The following ADTRP variants were observed in gnomAD, a reference collection of about 807,000 sequenced individuals.
The protein encoded by ADTRP is androgen-dependent TFPI-regulating protein.
In ADTRP, 20 loss-of-function variants were observed where a neutral mutation model predicts 27.0. The observed-to-expected ratio is 0.74, with a 90% CI of 0.52 to 1.08. The LOEUF is 1.08. ADTRP is among the 50% of genes least tolerant of loss of function. The pLI is 0.00. For missense variants in ADTRP, 251 were observed against 275.0 expected, an observed-to-expected ratio of 0.91 and a Z score of 0.62; for synonymous variants, 101 against 105.2, an observed-to-expected ratio of 0.96 and a Z score of 0.25.
At chr6:11,772,132 A>G (rs1763804116) in intron 1 of ADTRP, among the ~76,000 whole-genome samples, 1 of 152,212 alleles carries the variant, frequency 6.6e-6, no homozygotes, top group Admixed American at 6.5e-5. Context: ...AACGGCATCT[A>G]CTTATTCTAA....
chr6:11,739,205 C>T (rs1189514804), intron 3 of ADTRP, among the ~76,000 whole-genome samples: 1 of 152,190 alleles, frequency 6.6e-6, no homozygotes, highest in East Asian at 1.9e-4. Context: ...TCTCAGTTTC[C>T]CTTACAAACA....
intron 4 of ADTRP, among the ~76,000 whole-genome samples, chr6:11,724,392 T>C (rs2235421): frequency 0.08 from 12,111 of 151,952 alleles, 854 homozygotes; most frequent in South Asian, 0.2. Flanking sequence ...ATAAATAGAG[T>C]GTTAGGCAGT....
intron 4 of ADTRP, among the ~76,000 whole-genome samples, chr6:11,726,298 T>C (rs1440133418): frequency 3.9e-5 from 6 of 152,204 alleles, no homozygotes; most frequent in African/African-American, 1.4e-4. Flanking sequence ...CCAAAACTCA[T>C]GTTGAAATTT....
chr6:11,724,908 A>C (rs1179742678), intron 4 of ADTRP, among the ~76,000 whole-genome samples: 1 of 152,250 alleles, frequency 6.6e-6, no homozygotes, highest in African/African-American at 2.4e-5. Flanking sequence ...GCACAATGGG[A>C]GTGCTCTCAG....
intron 4 of ADTRP, among the ~76,000 whole-genome samples, chr6:11,733,619 T>A (rs879565633): frequency 1.3e-5 from 2 of 152,252 alleles, no homozygotes; most frequent in Non-Finnish European, 2.9e-5. Context: ...TCCCACTGTC[T>A]GTTATGCTCC....
At chr6:11,732,187 T>A (rs1367098681) in intron 4 of ADTRP, among the ~76,000 whole-genome samples, 1 of 152,188 alleles carries the variant, frequency 6.6e-6, no homozygotes, top group South Asian at 2.1e-4. Context: ...AACCACCACA[T>A]GTAAGGCGGT....
At chr6:11,756,846 C>T (rs1763228301) in intron 3 of ADTRP, among the ~76,000 whole-genome samples, 1 of 152,176 alleles carries the variant, frequency 6.6e-6, no homozygotes, top group African/African-American at 2.4e-5. Flanking sequence ...ACTCAAACCT[C>T]AGTTTCCTCT....
At chr6:11,747,315 C>A (rs776579597) in intron 3 of ADTRP, among the ~76,000 whole-genome samples, 28 of 152,168 alleles carry the variant, frequency 1.8e-4, no homozygotes, top group Non-Finnish European at 3.8e-4. Flanking sequence ...TTGTACCAGG[C>A]GAGCTCTCCA....
rs1166384194 is a variant in ADTRP, at chr6:11,758,582, G to GGA, written c.390+7691_390+7692insTC. On this transcript the variant is annotated intron_variant, in intron 3 of 5. Transcript: ENST00000414691. ...CCGGGGACTGTTGTGGGGTGGGGGG[G>GGA]GGGGACGGATAGCATTAGGAGGTAT... 5.4e-4 allele frequency among the ~76,000 whole-genome samples: 63 copies of GGA among 117,516 alleles called. 4 individuals carry two copies. The highest frequency in any genetic ancestry group is 9.2e-4 in the Non-Finnish European group (51 of 55,160). The allele number at this position is 117,516 out of a possible 152,430, so 77.1% of individuals were successfully genotyped here.
intron 5 of ADTRP, among the ~76,000 whole-genome samples, chr6:11,716,011 T>C (rs1761813201): frequency 6.6e-6 from 1 of 151,894 alleles, no homozygotes; most frequent in Non-Finnish European, 1.5e-5. Context: ...TCCTCCCTAG[T>C]TAGGGCTTCT....
intron 5 of ADTRP, among the ~76,000 whole-genome samples, chr6:11,717,659 T>C (rs1338479361): frequency 2.0e-5 from 3 of 152,208 alleles, no homozygotes; most frequent in Non-Finnish European, 4.4e-5. Flanking sequence ...GTTGGGGGGA[T>C]AGCAGGTGTT....
intron 5 of ADTRP, among the ~76,000 whole-genome samples, chr6:11,722,324 G>A (rs1762045734): frequency 6.6e-6 from 1 of 152,164 alleles, no homozygotes. Flanking sequence ...CAGGGTCTCA[G>A]CTTCCTCTCA....
At chr6:11,723,241 A>T in intron 5 of ADTRP, 108 bp downstream of exon 5, 2 of 1,420,840 alleles carry the variant, frequency 1.4e-6, no homozygotes, top group Non-Finnish European at 1.9e-6. Flanking sequence ...CAAAGACAGT[A>T]AGCATCATTG....
intron 5 of ADTRP, among the ~76,000 whole-genome samples, chr6:11,718,528 A>G (rs941356706): frequency 6.6e-6 from 1 of 152,330 alleles, no homozygotes; most frequent in African/African-American, 2.4e-5. Context: ...CCCCCAGTCA[A>G]TGTGGAAGAG....
intron 3 of ADTRP, among the ~76,000 whole-genome samples, chr6:11,763,691 T>C (rs1322646218): frequency 1.3e-5 from 2 of 152,230 alleles, no homozygotes; most frequent in Non-Finnish European, 2.9e-5. Flanking sequence ...ATTTCTACCA[T>C]GAGTTCACAC....
At chr6:11,768,416 A>G in intron 1 of ADTRP, 33 bp from the exon 2 acceptor site, 1 of 1,611,732 alleles carries the variant, frequency 6.2e-7, no homozygotes, top group Non-Finnish European at 8.5e-7. Flanking sequence ...GGGCATTTTC[A>G]TTTACTTTAA....
Position 11,738,983 on chromosome 6 carries a change from G to T in ADTRP, c.391-3300C>A, listed in dbSNP as rs210891. 6.1e-3 allele frequency among the ~76,000 whole-genome samples: 928 copies of T among 152,138 alleles called. 27 individuals are homozygous for T. Among genetic ancestry groups the T allele is most frequent in the Admixed American group, 0.044 (670 of 15,290 alleles). On this transcript the variant is annotated intron_variant, in intron 3 of 5. Transcript: ENST00000414691. ...AAGCCTTCTGGTGTTTCAAGCGTAT[G>T]GGTATTTCACCTCACTTTGACATAA...
At chr6:11,726,421 A>C (rs571215724) in intron 4 of ADTRP, among the ~76,000 whole-genome samples, 50 of 151,912 alleles carry the variant, frequency 3.3e-4, no homozygotes, top group Non-Finnish European at 4.1e-4. Context: ...AAGCTCTAGA[A>C]ATGGATTTTT....
intron 3 of ADTRP, among the ~76,000 whole-genome samples, chr6:11,744,803 A>C (rs1762816894): frequency 2.0e-5 from 3 of 152,222 alleles, no homozygotes; most frequent in Admixed American, 2.0e-4. Context: ...GAGGAAGTTT[A>C]GGAAGCATGG....
Sources: allele counts gnomAD v4.1 joint callset (sites outside exome capture counted in the v4.1 genomes callset), GRCh38; gene constraint gnomAD v4.1.1; transcripts MANE v1.5; gene names NCBI Gene and HGNC (gene_info 2026-07-23, HGNC 2026-07-21).